GRIK2: variants seen among roughly 807,000 people sequenced by gnomAD.
GRIK2 encodes glutamate ionotropic receptor kainate type subunit 2.
Under a neutral mutation model 100.3 loss-of-function variants are expected in GRIK2, and 32 were observed. That is an observed-to-expected ratio of 0.32 (90% CI 0.24 to 0.43). The LOEUF is 0.43. Ranked by LOEUF, GRIK2 falls within the 20% of genes least tolerant of loss-of-function variation. GRIK2 has a pLI of 1.00. For synonymous variants in GRIK2, 417 were observed against 389.4 expected, an observed-to-expected ratio of 1.07 and a Z score of -0.83; for missense variants, 843 against 1,114.9, an observed-to-expected ratio of 0.76 and a Z score of 3.47.
At chr6:101,825,514 C>A (rs536710870) in intron 10 of GRIK2, among the ~76,000 whole-genome samples, 1 of 151,918 alleles carries the variant, frequency 6.6e-6, no homozygotes, top group South Asian at 2.1e-4. Context: ...CTTCTAAGTG[C>A]CAGAACCTCA....
intron 2 of GRIK2, among the ~76,000 whole-genome samples, chr6:101,510,804 G>C (rs1011789441): frequency 6.6e-6 from 1 of 151,800 alleles, no homozygotes; most frequent in Non-Finnish European, 1.5e-5. Context: ...TTACAGGCAT[G>C]AGCCACCATG....
At chr6:101,507,426 T>G (rs1774081394) in intron 2 of GRIK2, among the ~76,000 whole-genome samples, 1 of 152,120 alleles carries the variant, frequency 6.6e-6, no homozygotes, top group Non-Finnish European at 1.5e-5. Context: ...CTATCGATTT[T>G]TCTCAGAATT....
At chr6:101,751,618 T>C (rs573684494) in intron 7 of GRIK2, among the ~76,000 whole-genome samples, 5 of 152,114 alleles carry the variant, frequency 3.3e-5, no homozygotes, top group East Asian at 3.9e-4. Flanking sequence ...CCCCCTACCA[T>C]TGGGTTTTTG....
At chr6:101,724,372 T>A (rs1404576387) in intron 7 of GRIK2, among the ~76,000 whole-genome samples, 4 of 151,858 alleles carry the variant, frequency 2.6e-5, no homozygotes, top group Non-Finnish European at 4.4e-5. Context: ...TAGTTTCCTG[T>A]ATCGATCGTG....
intron 7 of GRIK2, among the ~76,000 whole-genome samples, chr6:101,753,904 T>G (rs1776958879): frequency 6.6e-6 from 1 of 152,074 alleles, no homozygotes; most frequent in Non-Finnish European, 1.5e-5. Context: ...TATATTAATT[T>G]TTAAGACTGT....
chr6:101,873,545 A>G (rs1264207219), intron 11 of GRIK2, among the ~76,000 whole-genome samples: 6 of 151,926 alleles, frequency 3.9e-5, no homozygotes, highest in Non-Finnish European at 8.8e-5. Context: ...GAATAGTGCC[A>G]CAATAAACAT....
At chr6:101,583,986 A>G (rs965974464) in intron 2 of GRIK2, among the ~76,000 whole-genome samples, 8 of 152,112 alleles carry the variant, frequency 5.3e-5, no homozygotes, top group African/African-American at 1.7e-4. Flanking sequence ...ATTTCTTTAT[A>G]TCATATACCA....
intron 2 of GRIK2, among the ~76,000 whole-genome samples, chr6:101,606,566 T>A (rs1043843615): frequency 3.9e-5 from 6 of 151,966 alleles, no homozygotes; most frequent in African/African-American, 1.4e-4. Context: ...TTGCTTAAAG[T>A]TCAGTTGGCT....
chr6:101,431,989 C>T (rs1214222789), intron 2 of GRIK2, among the ~76,000 whole-genome samples: 1 of 152,148 alleles, frequency 6.6e-6, no homozygotes, highest in Non-Finnish European at 1.5e-5. Context: ...TTGTTTTTTA[C>T]TGTCCACATA....
At chr6:101,988,130 T>C (rs868270406) in intron 14 of GRIK2, among the ~76,000 whole-genome samples, 291 of 20,692 alleles carry the variant, frequency 0.014, 4 homozygotes, top group Non-Finnish European at 0.013. Flanking sequence ...TGTGTGTGTG[T>C]GTGCGCGCGC....
chr6:101,565,547 G>A (rs1413144072), intron 2 of GRIK2, among the ~76,000 whole-genome samples: 1 of 151,946 alleles, frequency 6.6e-6, no homozygotes, highest in East Asian at 1.9e-4. Context: ...TCCTTTTTTA[G>A]TGTGCAAATT....
chr6:101,894,650 AC>A (rs911524536), intron 12 of GRIK2, among the ~76,000 whole-genome samples: 87 of 151,728 alleles, frequency 5.7e-4, no homozygotes, highest in African/African-American at 2.1e-3. Flanking sequence ...TAGGGCACCC[AC>A]CCCTTACATT....
At chr6:101,984,130 G>T (rs553931227) in intron 14 of GRIK2, among the ~76,000 whole-genome samples, 3 of 151,612 alleles carry the variant, frequency 2.0e-5, no homozygotes, top group Admixed American at 2.0e-4. Context: ...ATGTCAAATG[G>T]ATAAAATAAT....
intron 9 of GRIK2, among the ~76,000 whole-genome samples, chr6:101,816,652 T>C (rs1965602): frequency 0.27 from 41,168 of 151,974 alleles, 7,504 homozygotes; most frequent in East Asian, 0.67. Flanking sequence ...GATTGCACCA[T>C]TGCACTTCAG....
At chr6:101,802,865 T>A (rs1780759327) in intron 9 of GRIK2, among the ~76,000 whole-genome samples, 1 of 151,818 alleles carries the variant, frequency 6.6e-6, no homozygotes, top group South Asian at 2.1e-4. Flanking sequence ...CATATTTAAG[T>A]GAAATATTTG....
chr6:101,456,815 G>A (rs77012237), intron 2 of GRIK2, among the ~76,000 whole-genome samples: 6,001 of 152,006 alleles, frequency 0.039, 417 homozygotes, highest in African/African-American at 0.14. Context: ...AATATTAAGA[G>A]TTTTAAATAT....
chr6:102,005,664 C>T (rs1331149544), intron 14 of GRIK2, among the ~76,000 whole-genome samples: 2 of 151,998 alleles, frequency 1.3e-5, no homozygotes, highest in African/African-American at 4.8e-5. Context: ...ATGCTTAAAG[C>T]ATAACATTTA....
intron 10 of GRIK2, among the ~76,000 whole-genome samples, chr6:101,852,477 C>T (rs558056258): frequency 2.0e-5 from 3 of 152,082 alleles, no homozygotes; most frequent in Non-Finnish European, 4.4e-5. Flanking sequence ...TCCCTGGCTT[C>T]CCCGGTTGAC....
At chr6:101,784,176 C>G (rs963389079) in intron 7 of GRIK2, among the ~76,000 whole-genome samples, 11 of 152,190 alleles carry the variant, frequency 7.2e-5, no homozygotes, top group Non-Finnish European at 1.2e-4. Flanking sequence ...CATCACAGGC[C>G]CAGAGGCCTA....
Sources: allele counts gnomAD v4.1 joint callset (sites outside exome capture counted in the v4.1 genomes callset), GRCh38; gene constraint gnomAD v4.1.1; transcripts MANE v1.5; gene names NCBI Gene and HGNC (gene_info 2026-07-23, HGNC 2026-07-21).